Variants in IMPA2 observed in about 807,000 individuals in gnomAD.
IMPA2 encodes the protein inositol monophosphatase 2, also known as IMP 2.
In IMPA2, 32 loss-of-function variants were observed where a neutral mutation model predicts 35.1. That is an observed-to-expected ratio of 0.91 (90% CI 0.69 to 1.23). The LOEUF (loss-of-function observed/expected upper bound fraction) is 1.23, where lower values mean the gene tolerates loss of function less well. Ranked by LOEUF, IMPA2 falls within the 50% of genes most tolerant of loss-of-function variation. The pLI, the probability that IMPA2 is intolerant of heterozygous loss-of-function variation, is 0.00. For missense variants in IMPA2, 334 were observed against 387.6 expected (o/e 0.86, Z 1.16); for synonymous variants, 135 against 160.6 (o/e 0.84, Z 1.20).
chr18:12,012,112 G>C (rs1392289365), intron 3 of IMPA2, 58 bp from the exon 4 acceptor site: 6 of 1,546,582 alleles, frequency 3.9e-6, no homozygotes, highest in South Asian at 1.1e-5. Context: ...CAGCACACAG[G>C]CTCCCGAGAG....
At chr18:12,021,419 A>G (rs1010220233) in intron 5 of IMPA2, among the ~76,000 whole-genome samples, 2 of 151,472 alleles carry the variant, frequency 1.3e-5, no homozygotes, top group African/African-American at 4.9e-5. Flanking sequence ...CACACTGATG[A>G]AAGTGTAGTC....
chr18:11,992,007 C>T (rs1906829017), intron 1 of IMPA2, among the ~76,000 whole-genome samples: 1 of 152,176 alleles, frequency 6.6e-6, no homozygotes, highest in South Asian at 2.1e-4. Context: ...GCACACCCAC[C>T]TAATTTTTGT....
At chr18:12,007,872 G>A (rs1907322255) in intron 2 of IMPA2, among the ~76,000 whole-genome samples, 1 of 151,772 alleles carries the variant, frequency 6.6e-6, no homozygotes, top group African/African-American at 2.4e-5. Context: ...TCCCGTCCTG[G>A]GTTCAAGCGA....
At chr18:11,999,693 G>A (rs1408872846) in intron 2 of IMPA2, among the ~76,000 whole-genome samples, 3 of 152,260 alleles carry the variant, frequency 2.0e-5, no homozygotes, top group African/African-American at 4.8e-5. Context: ...GCCAGAGGGC[G>A]CAGTGGGAAT....
chr18:11,998,141 T>G (rs1012816482), intron 1 of IMPA2, among the ~76,000 whole-genome samples: 1 of 152,182 alleles, frequency 6.6e-6, no homozygotes, highest in Non-Finnish European at 1.5e-5. Context: ...CACTTCGGCC[T>G]GGGTGACAGA....
chr18:12,005,795 C>T (rs1907232073), intron 2 of IMPA2, among the ~76,000 whole-genome samples: 2 of 152,268 alleles, frequency 1.3e-5, no homozygotes, highest in South Asian at 4.1e-4. Context: ...GCCTGCAGAC[C>T]CACACTGCCT....
At chr18:11,990,170 T>G (rs1010267045) in intron 1 of IMPA2, among the ~76,000 whole-genome samples, 2 of 152,160 alleles carry the variant, frequency 1.3e-5, no homozygotes, top group African/African-American at 4.8e-5. Context: ...TGCCCTAGCC[T>G]GCCATGAGCG....
chr18:12,013,215 G>A (rs991471562), intron 4 of IMPA2, among the ~76,000 whole-genome samples: 89 of 152,280 alleles, frequency 5.8e-4, no homozygotes, highest in African/African-American at 2.1e-3. Context: ...CTGGCTTTTC[G>A]TGGTGGGCTC....
intron 1 of IMPA2, among the ~76,000 whole-genome samples, chr18:11,988,126 C>T (rs993695935): frequency 6.6e-6 from 1 of 151,672 alleles, no homozygotes; most frequent in Non-Finnish European, 1.5e-5. Context: ...CTGCCTCAGC[C>T]TCCCGAGTAG....
At position 12,010,949 on chromosome 18, in the gene IMPA2, A is replaced by AT. The variant is rs1388372250; in HGVS notation, c.335+963dup. 4.6e-5 allele frequency among the ~76,000 whole-genome samples: 7 copies of AT among 152,136 alleles called. No homozygotes were observed. In the East Asian group the frequency reaches 1.2e-3, roughly 25 times the overall value. ...GAGTCGTGCCATCTGGTGCCAGCAA[A>AT]TGTGTCACCAATCTCTCCTCTCATT... On this transcript the variant is annotated intron_variant, in intron 3 of 7. Transcript: ENST00000269159. This position sits in a 1 kb window ranked among gnomAD's most constrained non-coding sequence, Gnocchi z 4.8.
chr18:12,026,215 T>TAG (rs1206813478), intron 5 of IMPA2, among the ~76,000 whole-genome samples: 3 of 151,956 alleles, frequency 2.0e-5, no homozygotes, highest in Non-Finnish European at 4.4e-5. Flanking sequence ...GCATTTTTAA[T>TAG]AGAGATGGGG....
At position 12,028,040 on chromosome 18, in the gene IMPA2, C is replaced by A; in HGVS notation, c.491-3C>A. ...TGGTGACAGGAAATTCTTTTTATTG[C>A]AGATCTCTCAAAGGCCTTGGTTCTG... On this transcript the variant is annotated splice_region_variant and splice_polypyrimidine_tract_variant and intron_variant, in intron 5 of 7. Transcript: ENST00000269159. 1 of 1,602,114 alleles carries A rather than the reference C, an allele frequency of 6.2e-7. No individual in the cohort carries two copies. The highest frequency in any genetic ancestry group is 8.6e-7 in the Non-Finnish European group (1 of 1,169,328).
intron 5 of IMPA2, among the ~76,000 whole-genome samples, chr18:12,015,171 C>T (rs1444665488): frequency 1.3e-5 from 2 of 152,166 alleles, no homozygotes; most frequent in African/African-American, 4.8e-5. Context: ...TTTGAAAAGG[C>T]GGAAGTGCAC....
intron 1 of IMPA2, among the ~76,000 whole-genome samples, chr18:11,989,374 A>G (rs7230346): frequency 0.16 from 24,400 of 152,140 alleles, 2,843 homozygotes; most frequent in African/African-American, 0.31. Flanking sequence ...CCTGGTCCAC[A>G]CCTGCAGTGT....
chr18:12,013,834 G>T (rs1017232846), intron 4 of IMPA2, among the ~76,000 whole-genome samples: 1 of 152,170 alleles, frequency 6.6e-6, no homozygotes, highest in African/African-American at 2.4e-5. Flanking sequence ...CTGAGATTCC[G>T]CTGGCTTTAC....
In IMPA2 at chr18:11,991,871, C is replaced by G. The variant is rs895103294; in HGVS notation, c.97-7183C>G. On this transcript the variant is annotated intron_variant, in intron 1 of 7. Transcript: ENST00000269159. The surrounding 1 kb of genome is among the most constrained non-coding windows in gnomAD (Gnocchi z 4.1). The stretch of plus-strand genomic sequence containing the variant: ...ATTTTTTTTTTTTTTTGAGATGGAG[C>G]CTTGCTCTGTCTCCCAGGATGGAGT... 2.0e-4 allele frequency among the ~76,000 whole-genome samples: 30 copies of G among 148,030 alleles called. No homozygotes were observed. The highest frequency in any genetic ancestry group is 3.3e-4 in the Non-Finnish European group (22 of 67,504).
At chr18:12,026,116 C>T (rs1038015583) in intron 5 of IMPA2, among the ~76,000 whole-genome samples, 12 of 150,672 alleles carry the variant, frequency 8.0e-5, no homozygotes, top group African/African-American at 2.7e-4. Flanking sequence ...CTCACTGCAA[C>T]CTCCGCCTCC....
rs150945595 is a variant in IMPA2, at chr18:11,997,162, T to A, written c.97-1892T>A. ...TGTGCCGAAGGCCTGTCTGGCCAGC[T>A]CAGGGTTGAGGGTCCTGGACCATGG... On this transcript the variant is annotated intron_variant, in intron 1 of 7. Transcript: ENST00000269159. Among the ~76,000 whole-genome samples the A allele has an allele frequency of 8.5e-5, 13 of 152,338 alleles. No individual in the cohort carries two copies. The East Asian group carries it at 2.5e-3, about 29-fold the overall frequency.
intron 2 of IMPA2, among the ~76,000 whole-genome samples, chr18:12,007,561 C>A (rs1202116324): frequency 1.3e-5 from 2 of 149,842 alleles, no homozygotes; most frequent in African/African-American, 5.0e-5. Flanking sequence ...ACGCTTCTTT[C>A]TTTCTTTCCT....
Sources: gnomAD v4.1 joint callset for allele counts (sites outside exome capture counted in the v4.1 genomes callset) on GRCh38, gnomAD v4.1.1 for gene constraint, Gnocchi (gnomAD v3.1) non-coding constraint, MANE v1.5 for transcripts, NCBI Gene and HGNC (gene_info 2026-07-23, HGNC 2026-07-21) for gene names.